Variants in SLC26A7 observed in about 807,000 individuals in gnomAD.
SLC26A7 encodes the protein anion exchange transporter.
SLC26A7 carries 59 observed loss-of-function variants against 82.5 expected under a neutral mutation model. The observed-to-expected ratio is 0.72, with a 90% CI of 0.58 to 0.89. SLC26A7 has a LOEUF of 0.89. SLC26A7 is among the 40% of genes least tolerant of loss of function. The pLI is 0.00. For missense variants in SLC26A7, 820 were observed against 793.0 expected, an observed-to-expected ratio of 1.03 and a Z score of -0.41; for synonymous variants, 271 against 274.3, an observed-to-expected ratio of 0.99 and a Z score of 0.12.
chr8:91,223,355 T>C (rs1810188022), intron 2 of SLC26A7, among the ~76,000 whole-genome samples: 1 of 152,186 alleles, frequency 6.6e-6, no homozygotes, highest in Non-Finnish European at 1.5e-5. Context: ...ATCTTAGTTT[T>C]TTCTTGTCTT....
chr8:91,337,702 A>T (rs979651460), intron 6 of SLC26A7, among the ~76,000 whole-genome samples: 1 of 152,204 alleles, frequency 6.6e-6, no homozygotes, highest in African/African-American at 2.4e-5. Flanking sequence ...ATTGATTACT[A>T]ACATGGATTA....
At chr8:91,293,689 C>T (rs151320458) in intron 3 of SLC26A7, among the ~76,000 whole-genome samples, 404 of 152,174 alleles carry the variant, frequency 2.7e-3, no homozygotes, top group African/African-American at 9.3e-3. Flanking sequence ...CCTCCAAATC[C>T]CAGGAAAAAC....
At chr8:91,269,589 C>T (rs966151091) in intron 2 of SLC26A7, among the ~76,000 whole-genome samples, 6 of 152,054 alleles carry the variant, frequency 3.9e-5, no homozygotes, top group Non-Finnish European at 7.4e-5. Context: ...GACCATAATT[C>T]GCCTTGGGAA....
chr8:91,325,431 G>A (rs1812905266), intron 5 of SLC26A7, among the ~76,000 whole-genome samples: 1 of 152,108 alleles, frequency 6.6e-6, no homozygotes, highest in Admixed American at 6.6e-5. Flanking sequence ...TTCAGGAACG[G>A]AGGGTGAAGG....
intron 11 of SLC26A7, 22 bp from the exon 12 acceptor site, chr8:91,362,331 C>G (rs1425841181): frequency 1.3e-6 from 2 of 1,574,712 alleles, no homozygotes; most frequent in Non-Finnish European, 1.7e-6. Flanking sequence ...TTCACAACTT[C>G]TGTTTCTTGT....
rs529581587 is a variant in SLC26A7, at chr8:91,351,814, C to T, written c.1145C>T (p.Ala382Val). ...TGTCTGTCTTGTATTTTACAGGTGGCTTGTCTAATATCTTGCATTTTCGTC... is the reference window on the plus strand; with the variant it reads ...TGTCTGTCTTGTATTTTACAGGTGGTTTGTCTAATATCTTGCATTTTCGTC... Reference protein sequence around the residue: ...LYSTGAKTQVACLISCIFVLI... With the variant: ...LYSTGAKTQVVCLISCIFVLI... Residue 382 changes from alanine (A) to valine (V), a missense_variant, in exon 10 of 19, where the codon GCT (alanine) becomes GTT (valine). Ala to Val is a moderately conservative substitution (Grantham distance 64). Coordinates refer to ENST00000276609, the MANE Select transcript of SLC26A7 (RefSeq NM_052832.4). The T allele has an allele frequency of 8.1e-6, 13 of 1,609,284 alleles. No individual in the cohort carries two copies. Among genetic ancestry groups the T allele is most frequent in the Non-Finnish European group, 1.1e-5 (13 of 1,176,452 alleles).
chr8:91,221,387 G>C (rs1206623963), intron 2 of SLC26A7, among the ~76,000 whole-genome samples: 1 of 151,988 alleles, frequency 6.6e-6, no homozygotes, highest in Non-Finnish European at 1.5e-5. Flanking sequence ...ATTAGATCCT[G>C]TTTGTCAATT....
At chr8:91,295,736 G>T (rs1248267182) in intron 4 of SLC26A7, 33 bp downstream of exon 4, 1 of 1,598,784 alleles carries the variant, frequency 6.3e-7, no homozygotes, top group Non-Finnish European at 8.5e-7. Flanking sequence ...CACAAAGAAA[G>T]GGACACAGCG....
chr8:91,393,445 C>G (rs1808461505), intron 16 of SLC26A7, among the ~76,000 whole-genome samples: 1 of 152,082 alleles, frequency 6.6e-6, no homozygotes, highest in Admixed American at 6.6e-5. Context: ...AGTAGGTCTG[C>G]AGCTTTCTTC....
chr8:91,336,506 C>T (rs911399320), intron 6 of SLC26A7, among the ~76,000 whole-genome samples: 4 of 151,872 alleles, frequency 2.6e-5, no homozygotes, highest in African/African-American at 9.7e-5. Flanking sequence ...ATCCCCAAAC[C>T]ATCTCCCCCC....
chr8:91,325,106 T>C (rs145970655), intron 5 of SLC26A7, among the ~76,000 whole-genome samples: 1 of 152,288 alleles, frequency 6.6e-6, no homozygotes, highest in African/African-American at 2.4e-5. Context: ...ATAGGTTTAA[T>C]AGTGAGACAA....
intron 18 of SLC26A7, 131 bp downstream of exon 18, chr8:91,394,170 C>T: frequency 1.2e-6 from 2 of 1,606,942 alleles, no homozygotes; most frequent in African/African-American, 1.3e-5. Flanking sequence ...CCCACCCCAC[C>T]TCAGACTTTC....
chr8:91,317,048 T>C (rs1812655394), intron 4 of SLC26A7, among the ~76,000 whole-genome samples: 1 of 129,288 alleles, frequency 7.7e-6, no homozygotes, highest in African/African-American at 2.9e-5. Flanking sequence ...TAGTCACAGC[T>C]ATTCAGGAGG....
chr8:91,263,020 A>G (rs927522435), intron 2 of SLC26A7, among the ~76,000 whole-genome samples: 1 of 152,056 alleles, frequency 6.6e-6, no homozygotes, highest in African/African-American at 2.4e-5. Context: ...TTTAACTTAC[A>G]AACATTATCT....
At position 91,325,483 on chromosome 8, in the gene SLC26A7, G is replaced by A. The variant is rs150793606; in HGVS notation, c.642+7103G>A. Among the ~76,000 whole-genome samples, 622 of 152,220 alleles carry A rather than the reference G, an allele frequency of 4.1e-3. 5 individuals are homozygous for A. Among genetic ancestry groups the A allele is most frequent in the African/African-American group, 0.014 (572 of 41,534 alleles). ...GTAGGCTTTCACCAAATATGCTTAT[G>A]TTAAGAAAAGGCCATAATCTGTGTA... On this transcript the variant is annotated intron_variant, in intron 5 of 18. Transcript: ENST00000276609.
rs572559684 is a variant in SLC26A7, at chr8:91,275,651, A to G, written c.194-13485A>G. ...ATCCTTACATGATACATGTGGATCC[A>G]TGATCCTTCTCTTTTAGCTTATTGT... On this transcript the variant is annotated intron_variant, in intron 2 of 18. Coordinates refer to ENST00000276609, the MANE Select transcript of SLC26A7 (RefSeq NM_052832.4). Among the ~76,000 whole-genome samples the G allele has an allele frequency of 3.9e-5, 6 of 152,296 alleles. No homozygotes were observed. The South Asian group carries it at 8.3e-4, about 21-fold the overall frequency.
intron 2 of SLC26A7, among the ~76,000 whole-genome samples, chr8:91,233,568 AAAAAAGAAAAAAAAG>A (rs536105615): frequency 5.5e-4 from 84 of 151,906 alleles, no homozygotes; most frequent in East Asian, 1.2e-3. Context: ...TTCTGTGTCA[AAAAAAGAAAAAAAAG>A]AAAAAGAAAA....
intron 1 of SLC26A7, among the ~76,000 whole-genome samples, chr8:91,210,501 A>G (rs1324614267): frequency 2.0e-5 from 3 of 151,848 alleles, no homozygotes; most frequent in Non-Finnish European, 4.4e-5. Flanking sequence ...ACCACTGACC[A>G]TTCAGGTCAG....
intron 2 of SLC26A7, among the ~76,000 whole-genome samples, chr8:91,239,395 A>AAAAAAATAT (rs1554600121): frequency 1.1e-5 from 1 of 94,860 alleles, no homozygotes; most frequent in African/African-American, 3.5e-5. Context: ...AAAAAAAAAA[A>AAAAAAATAT]ATATATATAT....
Sources: allele counts gnomAD v4.1 joint callset (sites outside exome capture counted in the v4.1 genomes callset), GRCh38; gene constraint gnomAD v4.1.1; transcripts MANE v1.5; gene names NCBI Gene and HGNC (gene_info 2026-07-23, HGNC 2026-07-21).